Variants in KCNT2 observed in about 807,000 individuals in gnomAD.
KCNT2 encodes the protein potassium sodium-activated channel subfamily T member 2, also known as potassium channel subfamily T member 2.
Under a neutral mutation model 153.8 loss-of-function variants are expected in KCNT2, and 67 were observed. That is an observed-to-expected ratio of 0.44 (90% confidence interval 0.36 to 0.53). KCNT2 has a LOEUF of 0.53. Ranked by LOEUF, KCNT2 falls within the 20% of genes least tolerant of loss-of-function variation. KCNT2 has a pLI of 0.00. For synonymous variants in KCNT2, 500 were observed against 458.8 expected (o/e 1.09, Z -1.15); for missense variants, 975 against 1,354.8 (o/e 0.72, Z 4.40).
chr1:196,535,371 T>C (rs1209177912), intron 1 of KCNT2, among the ~76,000 whole-genome samples: 2 of 152,206 alleles, frequency 1.3e-5, no homozygotes, highest in African/African-American at 4.8e-5. Context: ...CATTTAAAGA[T>C]AGTATCAGTA....
At chr1:196,276,649 T>A (rs1658597959) in intron 25 of KCNT2, among the ~76,000 whole-genome samples, 1 of 152,062 alleles carries the variant, frequency 6.6e-6, no homozygotes, top group African/African-American at 2.4e-5. Context: ...GTGGGAGTAG[T>A]TTCCTTAGAC....
chr1:196,358,399 C>T (rs1004447691), intron 14 of KCNT2, among the ~76,000 whole-genome samples: 2 of 151,576 alleles, frequency 1.3e-5, no homozygotes, highest in Non-Finnish European at 2.9e-5. Flanking sequence ...CTTTTATCCC[C>T]TTAATACTGA....
At chr1:196,263,785 T>G (rs886996511) in intron 25 of KCNT2, among the ~76,000 whole-genome samples, 3 of 152,164 alleles carry the variant, frequency 2.0e-5, no homozygotes, top group African/African-American at 7.2e-5. Flanking sequence ...CCATCCAACC[T>G]CATCTACATT....
At chr1:196,496,727 C>T (rs1003428784) in intron 1 of KCNT2, among the ~76,000 whole-genome samples, 10 of 152,150 alleles carry the variant, frequency 6.6e-5, no homozygotes, top group Non-Finnish European at 2.9e-5. Flanking sequence ...CCTAGCAGCT[C>T]AAGGGGCCAG....
intron 22 of KCNT2, among the ~76,000 whole-genome samples, chr1:196,287,802 T>C (rs1659808220): frequency 6.6e-6 from 1 of 152,130 alleles, no homozygotes; most frequent in Admixed American, 6.6e-5. Context: ...ATCTTATCAG[T>C]TAATAGAAGT....
rs1370279306 is a variant in KCNT2 at position 196,428,160 on chromosome 1, T to C, written c.929A>G (p.Lys310Arg). The part of the protein sequence containing the change: ...KHVVLCVSSL[K>R]IDLLMDFLNE... Reference sequence around the variant, plus strand: ...TAAAAAATCCATAAGTAAATCAATCTTCAGTGAGCTGACACACAGGACGAC... The same window carrying C: ...TAAAAAATCCATAAGTAAATCAATCCTCAGTGAGCTGACACACAGGACGAC... Residue 310 changes from lysine to arginine, a missense_variant, in exon 10 of 28, where the codon AAG (lysine) becomes AGG (arginine). Transcript: ENST00000294725. 1 of 1,612,552 alleles carries C rather than the reference T, an allele frequency of 6.2e-7. No individual in the cohort carries two copies. The highest frequency in any genetic ancestry group is 8.5e-7 in the Non-Finnish European group (1 of 1,178,996).
At position 196,485,755 on chromosome 1, in the gene KCNT2, T is replaced by C. The variant is rs180920151; in HGVS notation, c.276-3376A>G. On this transcript the variant is annotated intron_variant, in intron 3 of 27. Transcript: ENST00000294725. The stretch of plus-strand genomic sequence containing the variant: ...GGATAAATACATAGAAGGAAATGTA[T>C]ATATTTTGGTAAAAACTAGTGTTCA... Among the ~76,000 whole-genome samples the C allele has an allele frequency of 3.1e-3, 465 of 152,012 alleles. 1 individual carries two copies. The highest frequency in any genetic ancestry group is 0.011 in the African/African-American group (442 of 41,510).
At chr1:196,401,707 G>C (rs1671428686) in intron 12 of KCNT2, among the ~76,000 whole-genome samples, 2 of 151,526 alleles carry the variant, frequency 1.3e-5, no homozygotes, top group South Asian at 4.2e-4. Context: ...ACGGTAAAAA[G>C]GTCTTACATA....
At chr1:196,383,235 G>A (rs961508415) in intron 13 of KCNT2, among the ~76,000 whole-genome samples, 3 of 152,110 alleles carry the variant, frequency 2.0e-5, no homozygotes, top group African/African-American at 7.2e-5. Context: ...AGAACAGGTC[G>A]TAACCCATTG....
At chr1:196,257,759 C>A (rs588211) in intron 26 of KCNT2, 982,703 of 984,404 alleles carry the variant, frequency 1, 490,527 homozygotes, top group East Asian at 1. Context: ...AAACCACATA[C>A]ACTAAACAAA....
At chr1:196,234,553 T>C (rs1654252465) in intron 27 of KCNT2, among the ~76,000 whole-genome samples, 2 of 151,282 alleles carry the variant, frequency 1.3e-5, no homozygotes, top group South Asian at 2.1e-4. Flanking sequence ...CCTACGTTCA[T>C]ATTCACCCCA....
At chr1:196,401,539 A>G (rs1671416824) in intron 12 of KCNT2, among the ~76,000 whole-genome samples, 1 of 151,824 alleles carries the variant, frequency 6.6e-6, no homozygotes, top group Admixed American at 6.6e-5. Flanking sequence ...GCTGAAGTTT[A>G]TGAAGAAACA....
intron 8 of KCNT2, among the ~76,000 whole-genome samples, chr1:196,434,302 A>G (rs561229824): frequency 1.3e-5 from 2 of 152,050 alleles, no homozygotes; most frequent in Non-Finnish European, 2.9e-5. Flanking sequence ...GAAAGATAAC[A>G]TATATTTTTA....
rs528634770 is a variant in KCNT2 at position 196,471,020 on chromosome 1, G to A, written c.385-1952C>T. Among the ~76,000 whole-genome samples the A allele has an allele frequency of 8.7e-4, 131 of 151,128 alleles. No individual in the cohort carries two copies. In the Middle Eastern group the frequency reaches 0.01, roughly 12 times the overall value. ...CTCAGCCTCCCAAGTAGCTGGGACT[G>A]CAGGCACCCACCACCACGCCCGGCT... On this transcript the variant is annotated intron_variant, in intron 5 of 27. Transcript: ENST00000294725.
chr1:196,359,157 G>A (rs1390337313), intron 14 of KCNT2, among the ~76,000 whole-genome samples: 3 of 152,046 alleles, frequency 2.0e-5, no homozygotes, highest in East Asian at 3.9e-4. Flanking sequence ...GTAAGTCATC[G>A]TTCAATATAC....
At chr1:196,382,189 C>T (rs1247636082) in intron 13 of KCNT2, among the ~76,000 whole-genome samples, 1 of 151,950 alleles carries the variant, frequency 6.6e-6, no homozygotes, top group Non-Finnish European at 1.5e-5. Context: ...AGCTCCGCCT[C>T]CCAGGTTCAT....
intron 1 of KCNT2, among the ~76,000 whole-genome samples, chr1:196,515,323 A>T (rs1343796318): frequency 6.6e-6 from 1 of 152,246 alleles, no homozygotes; most frequent in Non-Finnish European, 1.5e-5. Flanking sequence ...ATATAAGACT[A>T]TCAGGTTTCC....
At chr1:196,500,194 G>A (rs1350448326) in intron 1 of KCNT2, among the ~76,000 whole-genome samples, 29 of 147,154 alleles carry the variant, frequency 2.0e-4, no homozygotes. Flanking sequence ...AAGGGAGGGA[G>A]GGAAGGAGGG....
chr1:196,307,927 T>C (rs535467357), intron 21 of KCNT2, among the ~76,000 whole-genome samples: 2 of 152,152 alleles, frequency 1.3e-5, no homozygotes, highest in South Asian at 2.1e-4. Context: ...AAAGTATTTA[T>C]TTAAGAAATA....
Sources: gnomAD v4.1 joint callset for allele counts (sites outside exome capture counted in the v4.1 genomes callset) on GRCh38, gnomAD v4.1.1 for gene constraint, MANE v1.5 for transcripts, NCBI Gene and HGNC (gene_info 2026-07-23, HGNC 2026-07-21) for gene names.